CNTN4: variants seen among roughly 807,000 people sequenced by gnomAD.
The protein encoded by CNTN4 is contactin 4, also known as contactin-4.
A neutral mutation model predicts 122.5 loss-of-function variants in CNTN4; 77 were observed. That is an observed-to-expected ratio of 0.63 (90% CI 0.52 to 0.76). The LOEUF is 0.76. Ranked by LOEUF, CNTN4 falls within the 30% of genes least tolerant of loss-of-function variation. The pLI, the probability that CNTN4 is intolerant of heterozygous loss-of-function variation, is 0.00. For synonymous variants in CNTN4, 512 were observed against 447.0 expected, an observed-to-expected ratio of 1.15 and a Z score of -1.83; for missense variants, 1,256 against 1,259.1, an observed-to-expected ratio of 1.00 and a Z score of 0.04.
At chr3:2,502,282 T>C (rs2076615908) in intron 3 of CNTN4, among the ~76,000 whole-genome samples, 1 of 152,008 alleles carries the variant, frequency 6.6e-6, no homozygotes, top group East Asian at 1.9e-4. Flanking sequence ...AAGGGTGGAG[T>C]TTTACTATCC....
At chr3:2,563,256 C>G (rs781307771) in intron 3 of CNTN4, among the ~76,000 whole-genome samples, 1 of 152,060 alleles carries the variant, frequency 6.6e-6, no homozygotes, top group African/African-American at 2.4e-5. Flanking sequence ...TTTTTGAAAT[C>G]TCATCAAACT....
chr3:2,794,497 T>A (rs144493593), intron 6 of CNTN4, among the ~76,000 whole-genome samples: 8 of 152,300 alleles, frequency 5.3e-5, no homozygotes, highest in African/African-American at 1.7e-4. Context: ...TAGAACAAAC[T>A]TTGCAAAAAC....
At chr3:2,992,106 A>G (rs1695113442) in intron 14 of CNTN4, among the ~76,000 whole-genome samples, 1 of 152,090 alleles carries the variant, frequency 6.6e-6, no homozygotes, top group African/African-American at 2.4e-5. Flanking sequence ...CAGGTAGGGG[A>G]GGAGAGGGAG....
At position 2,906,950 on chromosome 3, in the gene CNTN4, A is replaced by T. The variant is rs547244098; in HGVS notation, c.1207+3945A>T. Among the ~76,000 whole-genome samples the T allele has an allele frequency of 5.3e-5, 8 of 152,310 alleles. No homozygotes were observed. In the South Asian group the frequency reaches 1.5e-3, roughly 28 times the overall value. On this transcript the variant is annotated intron_variant, in intron 12 of 24. Transcript: ENST00000418658. The stretch of plus-strand genomic sequence containing the variant: ...GACAAGCTTGCAAGTTCCCTATTTA[A>T]TATCCCATTTTCCCTTCCAAAAATT...
chr3:2,291,656 C>T (rs1299064970), intron 2 of CNTN4, among the ~76,000 whole-genome samples: 2 of 151,666 alleles, frequency 1.3e-5, no homozygotes, highest in African/African-American at 4.8e-5. Flanking sequence ...TTTGGGGATC[C>T]CTAAAATTCT....
intron 4 of CNTN4, among the ~76,000 whole-genome samples, chr3:2,707,120 T>C (rs1224167444): frequency 6.6e-6 from 1 of 151,582 alleles, no homozygotes; most frequent in East Asian, 1.9e-4. Context: ...GGTGACATGG[T>C]GAAACTCCAT....
chr3:2,384,482 T>C (rs569862687), intron 3 of CNTN4, among the ~76,000 whole-genome samples: 2 of 152,348 alleles, frequency 1.3e-5, no homozygotes, highest in East Asian at 3.9e-4. Flanking sequence ...TGTTAGAGAA[T>C]GCCAAGAAGA....
intron 7 of CNTN4, among the ~76,000 whole-genome samples, chr3:2,824,343 G>A (rs984637596): frequency 3.3e-5 from 5 of 152,110 alleles, no homozygotes; most frequent in Non-Finnish European, 5.9e-5. Context: ...TATAATCCCA[G>A]CAACTTGGGA....
chr3:2,838,945 C>G (rs2093292199), intron 7 of CNTN4, among the ~76,000 whole-genome samples: 1 of 152,170 alleles, frequency 6.6e-6, no homozygotes, highest in Non-Finnish European at 1.5e-5. Context: ...GCATCTGTAA[C>G]TCATAGGGGG....
At chr3:2,729,543 CAAAAAAAAA>C (rs377584644) in intron 4 of CNTN4, among the ~76,000 whole-genome samples, 11 of 70,066 alleles carry the variant, frequency 1.6e-4, no homozygotes, top group African/African-American at 1.3e-4. Flanking sequence ...GACTCCATCT[CAAAAAAAAA>C]AAAAAAAAAA....
intron 2 of CNTN4, among the ~76,000 whole-genome samples, chr3:2,310,680 T>C (rs924598825): frequency 1.3e-5 from 2 of 152,182 alleles, no homozygotes; most frequent in African/African-American, 4.8e-5. Context: ...ATCGAGCACC[T>C]GTGAGACTTC....
chr3:2,175,114 A>T (rs562145011), intron 2 of CNTN4, among the ~76,000 whole-genome samples: 14 of 152,360 alleles, frequency 9.2e-5, no homozygotes, highest in African/African-American at 3.4e-4. Context: ...CTATGGAAAT[A>T]TGTATAAGAC....
intron 3 of CNTN4, among the ~76,000 whole-genome samples, chr3:2,548,151 A>G (rs111717438): frequency 0.35 from 53,209 of 151,930 alleles, 9,936 homozygotes; most frequent in Non-Finnish European, 0.41. Context: ...TGATAGTTTC[A>G]TTGCTGTGCG....
intron 3 of CNTN4, among the ~76,000 whole-genome samples, chr3:2,529,012 A>G (rs560437131): frequency 6.6e-6 from 1 of 152,184 alleles, no homozygotes; most frequent in South Asian, 2.1e-4. Flanking sequence ...ATTGTTAGCT[A>G]TGGTACTCGT....
rs556628364 is a variant in CNTN4 at position 2,796,380 on chromosome 3, G to A, written c.359-23106G>A. Among the ~76,000 whole-genome samples, 4 of 152,070 alleles carry A rather than the reference G, an allele frequency of 2.6e-5. No homozygotes were observed. The South Asian group carries it at 6.2e-4, about 24-fold the overall frequency. On this transcript the variant is annotated intron_variant, in intron 6 of 24. Transcript: ENST00000418658. ...GACATGAATTTGAAGTTTTTTAAAG[G>A]CAAGCAAGCAGAATCTTTTGGCATA...
intron 12 of CNTN4, among the ~76,000 whole-genome samples, chr3:2,906,750 A>G (rs2151184372): frequency 6.6e-6 from 1 of 151,816 alleles, no homozygotes; most frequent in African/African-American, 2.4e-5. Flanking sequence ...AGGCTGAGGC[A>G]GGAGAATCAC....
At chr3:2,542,439 A>G (rs939244951) in intron 3 of CNTN4, among the ~76,000 whole-genome samples, 5 of 152,140 alleles carry the variant, frequency 3.3e-5, no homozygotes, top group African/African-American at 4.8e-5. Flanking sequence ...TCAGTAATGA[A>G]CTAGCACCAG....
intron 3 of CNTN4, among the ~76,000 whole-genome samples, chr3:2,530,860 T>G (rs2077572577): frequency 6.6e-6 from 1 of 152,196 alleles, no homozygotes; most frequent in Admixed American, 6.5e-5. Context: ...TGGAAATAAT[T>G]CTCTTTAAAT....
At chr3:2,915,153 C>T (rs1052277075) in intron 12 of CNTN4, among the ~76,000 whole-genome samples, 1 of 152,190 alleles carries the variant, frequency 6.6e-6, no homozygotes, top group African/African-American at 2.4e-5. Context: ...GCAACCTCCA[C>T]CTCCCGGGTT....
Sources: gnomAD v4.1 joint callset for allele counts (sites outside exome capture counted in the v4.1 genomes callset) on GRCh38, gnomAD v4.1.1 for gene constraint, MANE v1.5 for transcripts, NCBI Gene and HGNC (gene_info 2026-07-23, HGNC 2026-07-21) for gene names.